Variants in NIBAN3 observed in about 807,000 individuals in gnomAD.
NIBAN3 encodes niban apoptosis regulator 3.
NIBAN3 carries 66 observed loss-of-function variants against 76.4 expected under a neutral mutation model. The observed-to-expected ratio is 0.86, with a 90% confidence interval of 0.71 to 1.06. The LOEUF (loss-of-function observed/expected upper bound fraction) is 1.06. Among genes scored for constraint, NIBAN3 ranks in the 50% least tolerant of loss-of-function variants. The pLI is 0.00. For missense variants in NIBAN3, 808 were observed against 810.7 expected (o/e 1.00, Z 0.04); for synonymous variants, 360 against 355.2 (o/e 1.01, Z -0.15).
intron 12 of NIBAN3, chr19:17,545,548 G>C (rs2076037377): frequency 1.2e-5 from 2 of 165,498 alleles, no homozygotes; most frequent in African/African-American, 2.4e-5. Context: ...CAAAGCAAAA[G>C]GGGCAGGGTA....
chr19:17,540,616 G>C, intron 9 of NIBAN3, 34 bp downstream of exon 9: 1 of 1,378,506 alleles, frequency 7.3e-7, no homozygotes. Context: ...CAGTGAGCCA[G>C]AGGGTGATGT....
At chr19:17,546,898 T>C (rs2076065866) in intron 13 of NIBAN3, 101 bp downstream of exon 13, 7 of 1,433,354 alleles carry the variant, frequency 4.9e-6, no homozygotes, top group Non-Finnish European at 6.6e-6. Context: ...CTGTGAATAC[T>C]TGCCATTTGA....
intron 4 of NIBAN3, among the ~76,000 whole-genome samples, chr19:17,534,580 A>G (rs1217167419): frequency 1.3e-5 from 2 of 152,242 alleles, no homozygotes; most frequent in Admixed American, 6.5e-5. Flanking sequence ...TCATGAAGTC[A>G]GGAGATCAAG....
chr19:17,524,890 TCTG>T (rs1308403387), upstream of NIBAN3, among the ~76,000 whole-genome samples: 1 of 152,196 alleles, frequency 6.6e-6, no homozygotes, highest in African/African-American at 2.4e-5. Context: ...CGAAGACACT[TCTG>T]CTCACTCCTT....
intron 13 of NIBAN3, 98 bp from the exon 14 acceptor site, chr19:17,549,346 T>C: frequency 1.2e-6 from 1 of 857,630 alleles, no homozygotes; most frequent in Non-Finnish European, 1.9e-6. Flanking sequence ...TCTTTAGGAT[T>C]TCTGCTTGAG....
intron 12 of NIBAN3, among the ~76,000 whole-genome samples, chr19:17,544,288 C>T (rs1461413890): frequency 6.6e-6 from 1 of 152,132 alleles, no homozygotes; most frequent in African/African-American, 2.4e-5. Flanking sequence ...AGAGCAAGGG[C>T]CTGTCTCTTT....
In NIBAN3 at chr19:17,540,511, C is replaced by A. The variant is rs548734371; in HGVS notation, c.1099C>A (p.Leu367Met). The change falls in exon 9 of 15, where the codon CTG becomes ATG. Residue 367 changes from leucine (L) to methionine (M), a missense_variant. Leu to Met is a conservative substitution (Grantham distance 15). Coordinates refer to ENST00000599164, the MANE Select transcript of NIBAN3 (RefSeq NM_001321827.2). ...EASLEAVRTL[L>M]AQGMDRLSHR... ...CTCGCTCGAGGCGGTGCGGACCCTC[C>A]TGGCTCAAGGCATGGACCGACTGTC... The A allele has an allele frequency of 3.2e-4, 515 of 1,597,048 alleles. 2 individuals carry two copies. In the South Asian group the frequency reaches 5.4e-3, roughly 17 times the overall value.
chr19:17,533,615 GC>G lies in NIBAN3; in HGVS notation c.342del (p.Ser115GlnfsTer4). The G allele has an allele frequency of 6.2e-7, 1 of 1,614,086 alleles. No homozygotes were observed. Among genetic ancestry groups the G allele is most frequent in the Non-Finnish European group, 8.5e-7 (1 of 1,180,000 alleles). On this transcript the variant is annotated frameshift_variant, in exon 4 of 15. Coordinates refer to ENST00000599164, the MANE Select transcript of NIBAN3 (RefSeq NM_001321827.2). LOFTEE classifies it high-confidence loss of function. ...TATGAAAACGGGGGCCACTGCCTTG[GC>G]TCAACAGCCCTGACAGGATACACGC... ...EEYENGGHCL[G>X]STALTGYTLL...
intron 8 of NIBAN3, chr19:17,540,036 C>T (rs1395043714): frequency 2.6e-6 from 1 of 385,822 alleles, no homozygotes; most frequent in Non-Finnish European, 4.6e-6. Context: ...TGCTTGGATA[C>T]AAAAAGGGCG....
At chr19:17,543,790 A>T (rs1047660505) in intron 12 of NIBAN3, 159 bp downstream of exon 12, 21 of 578,224 alleles carry the variant, frequency 3.6e-5, no homozygotes, top group Non-Finnish European at 6.4e-5. Context: ...CAGGAGTTCG[A>T]GACTAGCCTG....
intron 1 of NIBAN3, among the ~76,000 whole-genome samples, chr19:17,528,383 T>A (rs1341449831): frequency 6.6e-6 from 1 of 152,170 alleles, no homozygotes; most frequent in Non-Finnish European, 1.5e-5. Context: ...TGAGCCACTG[T>A]GCCCAGAAGA....
chr19:17,553,225 T>C lies in NIBAN3; in HGVS notation c.*1327T>C. ...TTGATATCTAATAACTCTTTATATC[T>C]GAAGGATATGAACGCTTTGTGATAC... On this transcript the variant is annotated 3_prime_UTR_variant, in exon 15 of 15. Transcript: ENST00000599164. 6.5e-7 allele frequency: 1 copy of C among 1,537,402 alleles called. No individual in the cohort carries two copies. Among genetic ancestry groups the C allele is most frequent in the African/African-American group, 1.4e-5 (1 of 72,184 alleles).
At chr19:17,555,407 G>A (rs1294592685), downstream of NIBAN3, among the ~76,000 whole-genome samples, 1 of 152,236 alleles carries the variant, frequency 6.6e-6, no homozygotes, top group Admixed American at 6.5e-5. Flanking sequence ...GGAGGTCTCA[G>A]TGGTAGGAGG....
chr19:17,543,536 G>C lies in NIBAN3; in HGVS notation c.1459G>C (p.Asp487His), dbSNP rs544827503. 6.8e-6 allele frequency: 11 copies of C among 1,614,182 alleles called. No homozygotes were observed. In the South Asian group the frequency reaches 1.2e-4, roughly 18 times the overall value. Reference sequence around the variant, plus strand: ...GTGTGTTGTGCAGAAATTCAAATCGGACAGCGGGTTGGCGCAGAGGAGGTT... The same window carrying C: ...GTGTGTTGTGCAGAAATTCAAATCGCACAGCGGGTTGGCGCAGAGGAGGTT... ...RGRVLKKFKS[D>H]SGLAQRRFIR... Residue 487 changes from aspartate (D) to histidine (H), a missense_variant, in exon 12 of 15, where the codon GAC (aspartate) becomes CAC (histidine). Asp to His is a moderately conservative substitution (Grantham distance 81). Transcript: ENST00000599164.
At chr19:17,525,274 C>G (rs548817916), upstream of NIBAN3, among the ~76,000 whole-genome samples, 29 of 152,326 alleles carry the variant, frequency 1.9e-4, no homozygotes, top group African/African-American at 6.5e-4. Context: ...TGTGATGGCT[C>G]CATTTGATCA....
In NIBAN3 at chr19:17,537,478, C is replaced by G. The variant is rs965677551; in HGVS notation, c.530C>G (p.Ala177Gly). 1 of 1,613,208 alleles carries G rather than the reference C, an allele frequency of 6.2e-7. No individual in the cohort carries two copies. Among genetic ancestry groups the G allele is most frequent in the Non-Finnish European group, 8.5e-7 (1 of 1,180,014 alleles). Reference sequence around the variant, plus strand: ...CGCCGGCACCTCTGCTTCTCTGCAGCCACCAGGGAGGCACAGCATGCCTGG... The same window carrying G: ...CGCCGGCACCTCTGCTTCTCTGCAGGCACCAGGGAGGCACAGCATGCCTGG... ...PFRRHLCFSA[A>G]TREAQHAWRL... The change falls in exon 5 of 15, where the codon GCC becomes GGC. Residue 177 changes from alanine to glycine, a missense_variant. Physicochemically the swap from Ala to Gly is moderately conservative, Grantham distance 60. Coordinates refer to ENST00000599164, the MANE Select transcript of NIBAN3 (RefSeq NM_001321827.2).
At chr19:17,549,826 C>T (rs919391) in intron 14 of NIBAN3, 34,850 of 85,850 alleles carry the variant, frequency 0.41, 32 homozygotes, top group Middle Eastern at 0.49. Flanking sequence ...CTCTCTCTCT[C>T]TTTTTTTTTT....
chr19:17,543,802 C>G, intron 12 of NIBAN3, 171 bp downstream of exon 12: 1 of 534,342 alleles, frequency 1.9e-6, no homozygotes, highest in South Asian at 2.3e-5. Context: ...ACTAGCCTGG[C>G]TAACATAGTG....
chr19:17,532,233 CCT>C (rs1555755739), intron 2 of NIBAN3, 28 bp from the exon 3 acceptor site: 15 of 1,587,884 alleles, frequency 9.4e-6, no homozygotes, highest in Non-Finnish European at 1.3e-5. Context: ...CCCACAGCCC[CCT>C]GACACCCACT....
Sources: gnomAD v4.1 joint callset for allele counts (sites outside exome capture counted in the v4.1 genomes callset) on GRCh38, gnomAD v4.1.1 for gene constraint, MANE v1.5 for transcripts, NCBI Gene and HGNC (gene_info 2026-07-23, HGNC 2026-07-21) for gene names.